POU2F3: variants seen among roughly 807,000 people sequenced by gnomAD.
POU2F3 encodes the protein POU domain, class 2, transcription factor 3.
POU2F3 carries 23 observed loss-of-function variants against 59.2 expected under a neutral mutation model. The ratio of observed to expected loss-of-function variants is 0.39; its 90% CI spans 0.28 to 0.55. The LOEUF (loss-of-function observed/expected upper bound fraction) is 0.55. POU2F3 is among the 20% of genes least tolerant of loss of function. POU2F3 has a pLI of 0.66. For synonymous variants in POU2F3, 190 were observed against 214.6 expected (o/e 0.89, Z 1.00); for missense variants, 473 against 544.5 (o/e 0.87, Z 1.31).
At chr11:120,237,660 T>C (rs1938535179), upstream of POU2F3, among the ~76,000 whole-genome samples, 1 of 151,986 alleles carries the variant, frequency 6.6e-6, no homozygotes, top group African/African-American at 2.4e-5. Flanking sequence ...GCCATGCAAA[T>C]AATATGCAAA....
upstream of POU2F3, among the ~76,000 whole-genome samples, chr11:120,239,894 A>G (rs1938591048): frequency 6.6e-6 from 1 of 152,230 alleles, no homozygotes; most frequent in African/African-American, 2.4e-5. Flanking sequence ...CTTCCTAAAA[A>G]GGGCGAGCAG....
At chr11:120,307,166 T>C (rs866188645) in intron 8 of POU2F3, among the ~76,000 whole-genome samples, 9 of 152,192 alleles carry the variant, frequency 5.9e-5, no homozygotes, top group African/African-American at 1.9e-4. Flanking sequence ...GTGTCACCGA[T>C]GCATGAGCAT....
chr11:120,256,185 ACCC>A (rs1250421931), intron 2 of POU2F3: 6 of 152,038 alleles, frequency 3.9e-5, no homozygotes, highest in African/African-American at 1.4e-4. Context: ...GAATTGCTGC[ACCC>A]CTAAGTGTCT....
chr11:120,287,378 TG>T (rs1306601162), intron 3 of POU2F3, among the ~76,000 whole-genome samples: 1 of 152,234 alleles, frequency 6.6e-6, no homozygotes, highest in African/African-American at 2.4e-5. Flanking sequence ...TGCACTGTGC[TG>T]GGCAGGCCAT....
At chr11:120,264,014 C>T (rs1397494019) in intron 2 of POU2F3, among the ~76,000 whole-genome samples, 1 of 152,164 alleles carries the variant, frequency 6.6e-6, no homozygotes. Flanking sequence ...CCTCTGGGAC[C>T]TCACAATCTC....
At chr11:120,275,914 C>T (rs1424511836) in intron 3 of POU2F3, among the ~76,000 whole-genome samples, 1 of 152,218 alleles carries the variant, frequency 6.6e-6, no homozygotes, top group Non-Finnish European at 1.5e-5. Flanking sequence ...CAACCAACTA[C>T]CACGGTTCTC....
intron 7 of POU2F3, 28 bp from the exon 8 acceptor site, chr11:120,305,616 G>T (rs988009908): frequency 6.2e-7 from 1 of 1,610,838 alleles, no homozygotes. Context: ...TGCCTCTCAT[G>T]TTCCTCCCCC....
intron 5 of POU2F3, among the ~76,000 whole-genome samples, chr11:120,300,688 T>C (rs574001998): frequency 1.5e-3 from 235 of 151,958 alleles, no homozygotes; most frequent in African/African-American, 5.6e-3. Flanking sequence ...CACCGGAACC[T>C]GGGAGGCAGA....
intron 10 of POU2F3, among the ~76,000 whole-genome samples, chr11:120,309,995 A>G (rs1336574819): frequency 1.3e-5 from 2 of 152,182 alleles, no homozygotes; most frequent in African/African-American, 4.8e-5. Flanking sequence ...AGGAAACAGG[A>G]AGCAGAGCGC....
intron 3 of POU2F3, among the ~76,000 whole-genome samples, chr11:120,286,535 T>C (rs185694349): frequency 1.3e-5 from 2 of 152,332 alleles, no homozygotes; most frequent in African/African-American, 2.4e-5. Flanking sequence ...AAGGCAGTAA[T>C]GGGGCCTGCC....
At chr11:120,267,211 C>G (rs1265179293) in intron 2 of POU2F3, among the ~76,000 whole-genome samples, 1 of 151,944 alleles carries the variant, frequency 6.6e-6, no homozygotes, top group Non-Finnish European at 1.5e-5. Flanking sequence ...TCACTGCAAC[C>G]TCCGCCTCCC....
intron 8 of POU2F3, among the ~76,000 whole-genome samples, chr11:120,306,935 C>T (rs1941508951): frequency 6.6e-6 from 1 of 152,240 alleles, no homozygotes. Context: ...TGAATCCTTC[C>T]TCAGGGATAT....
intron 3 of POU2F3, among the ~76,000 whole-genome samples, chr11:120,274,124 G>A (rs533042277): frequency 5.7e-5 from 7 of 121,878 alleles, no homozygotes; most frequent in East Asian, 2.3e-4. Flanking sequence ...AGGAAGGAAG[G>A]AAGGAAGGAA....
intron 12 of POU2F3, 65 bp downstream of exon 12, chr11:120,317,429 C>T: frequency 2.5e-6 from 4 of 1,589,104 alleles, no homozygotes; most frequent in East Asian, 2.2e-5. Context: ...GAAGCTGAGC[C>T]TATGCCTTGG....
Position 120,311,107 on chromosome 11 carries a change from A to C in POU2F3, c.1068+1521A>C, listed in dbSNP as rs75447700. Among the ~76,000 whole-genome samples, 4 of 151,764 alleles carry C rather than the reference A, an allele frequency of 2.6e-5. No homozygotes were observed. In the East Asian group the frequency reaches 7.9e-4, roughly 30 times the overall value. On this transcript the variant is annotated intron_variant, in intron 10 of 12. Coordinates refer to ENST00000543440, the MANE Select transcript of POU2F3 (RefSeq NM_014352.4). ...GGGGCAGGGAGAGTGTGGCATGCTC[A>C]CAGAACTGCAAGTGGTTCCATGAGG...
rs1049155194 is a variant in POU2F3, at chr11:120,319,323, T to G, written c.*931T>G. On this transcript the variant is annotated 3_prime_UTR_variant, in exon 13 of 13. Transcript: ENST00000543440. ...GCAAAATGTTTAACTCAGGTGTGAT[T>G]TTTGAAAATGTCTCTGTAATATTTT... The G allele has an allele frequency of 6.6e-6, 1 of 152,568 alleles. No homozygotes were observed. The highest frequency in any genetic ancestry group is 2.4e-5 in the African/African-American group (1 of 41,416). The allele number at this position is 152,568 out of a possible 1,614,324, so 9.5% of individuals were successfully genotyped here. A position where few individuals can be genotyped will look rare whatever the true frequency, so the allele number is the denominator to read the frequency against.
Position 120,298,395 on chromosome 11 carries a change from C to T in POU2F3, c.258+5C>T, listed in dbSNP as rs1941251734. Reference sequence around the variant, plus strand: ...CTAAATGCCAGCCCATGTCAGGTAACACTGTGATTTTCACAGTGGGCCAGT... The same window carrying T: ...CTAAATGCCAGCCCATGTCAGGTAATACTGTGATTTTCACAGTGGGCCAGT... On this transcript the variant is annotated splice_donor_5th_base_variant and intron_variant, in intron 4 of 12. Transcript: ENST00000543440. The T allele has an allele frequency of 6.2e-7, 1 of 1,613,196 alleles. No individual in the cohort carries two copies. The highest frequency in any genetic ancestry group is 1.3e-5 in the African/African-American group (1 of 74,872).
intron 3 of POU2F3, among the ~76,000 whole-genome samples, chr11:120,283,976 G>C (rs1940681938): frequency 6.6e-6 from 1 of 152,062 alleles, no homozygotes; most frequent in Non-Finnish European, 1.5e-5. Flanking sequence ...TCAGGAGTTT[G>C]AGACCAGCCT....
At chr11:120,283,357 G>T (rs921696486) in intron 3 of POU2F3, among the ~76,000 whole-genome samples, 1 of 152,196 alleles carries the variant, frequency 6.6e-6, no homozygotes, top group Non-Finnish European at 1.5e-5. Flanking sequence ...AGCAAGGTAT[G>T]GAGCAGCAGC....
Sources: allele counts gnomAD v4.1 joint callset (sites outside exome capture counted in the v4.1 genomes callset), GRCh38; gene constraint gnomAD v4.1.1; transcripts MANE v1.5; gene names NCBI Gene and HGNC (gene_info 2026-07-23, HGNC 2026-07-21).